ZMIZ2: variants seen among roughly 807,000 people sequenced by gnomAD.
ZMIZ2 encodes the protein zinc finger MIZ domain-containing protein 2.
In ZMIZ2, 26 loss-of-function variants were observed where a neutral mutation model predicts 93.9. That is an observed-to-expected ratio of 0.28 (90% confidence interval 0.20 to 0.38). The LOEUF is 0.38. Among genes scored for constraint, ZMIZ2 ranks in the 10% least tolerant of loss-of-function variants. ZMIZ2 has a pLI of 1.00. For synonymous variants in ZMIZ2, 485 were observed against 516.4 expected, an observed-to-expected ratio of 0.94 and a Z score of 0.82; for missense variants, 1,023 against 1,235.0, an observed-to-expected ratio of 0.83 and a Z score of 2.57.
rs1361566797 is a variant in ZMIZ2 at position 44,765,243 on chromosome 7, C to G, written c.1998-92C>G. 3.2e-6 allele frequency: 5 copies of G among 1,571,000 alleles called. No homozygotes were observed. Among genetic ancestry groups the G allele is most frequent in the Non-Finnish European group, 4.3e-6 (5 of 1,158,900 alleles). On this transcript the variant is annotated intron_variant, in intron 15 of 18. Coordinates refer to ENST00000309315, the MANE Select transcript of ZMIZ2 (RefSeq NM_031449.4). This position sits in a 1 kb window ranked among gnomAD's most constrained non-coding sequence, Gnocchi z 4.1. The stretch of plus-strand genomic sequence containing the variant: ...GAAGCAAGCATTTGAGTGGGGGAAC[C>G]TGCCTGGAAACAGCCCAGGGCTGGG...
rs754804475 is a variant in ZMIZ2 at position 44,768,970 on chromosome 7, G to C, written c.*1347G>C. On this transcript the variant is annotated 3_prime_UTR_variant, in exon 19 of 19. Transcript: ENST00000309315. ...AAGCATCCCAGGCTTGCCCAGGAGA[G>C]ACATTTGCCACTATGTCACCTTATC... 1 of 152,666 alleles carries C rather than the reference G, an allele frequency of 6.6e-6. No homozygotes were observed. The highest frequency in any genetic ancestry group is 2.4e-5 in the African/African-American group (1 of 41,480). 9.5% of individuals were successfully genotyped at this position (152,666 alleles called of 1,614,324 possible).
At chr7:44,767,308 C>G (rs1791812351) in intron 18 of ZMIZ2, among the ~76,000 whole-genome samples, 1 of 152,264 alleles carries the variant, frequency 6.6e-6, no homozygotes, top group East Asian at 1.9e-4. Flanking sequence ...CCAGAGCAAC[C>G]TTGCAGGGAG....
At chr7:44,760,761 C>T (rs915529678) in intron 9 of ZMIZ2, among the ~76,000 whole-genome samples, 168 bp downstream of exon 9, 11 of 150,596 alleles carry the variant, frequency 7.3e-5, no homozygotes, top group Non-Finnish European at 1.5e-4. Flanking sequence ...CCAGCACCTT[C>T]GGAGGCTGAG....
In ZMIZ2 at chr7:44,766,648, A is replaced by G; in HGVS notation, c.2640A>G (p.Pro880=). 3 of 1,613,106 alleles carry G rather than the reference A, an allele frequency of 1.9e-6. No homozygotes were observed. Among genetic ancestry groups the G allele is most frequent in the Non-Finnish European group, 2.5e-6 (3 of 1,179,996 alleles). Residue 880 remains proline, a synonymous_variant, in exon 18 of 19, where the codon CCA becomes CCG. Transcript: ENST00000309315. The surrounding 1 kb of genome is among the most constrained non-coding windows in gnomAD (Gnocchi z 4.4). ...PPSMSGAGEA[P]EPALDLLPEL... ...GCATGTCTGGAGCCGGGGAGGCCCC[A>G]GAACCAGCTCTGGACGTGAGTACCA...
chr7:44,762,971 C>A lies in ZMIZ2; in HGVS notation c.1687C>A (p.His563Asn). The change falls in exon 12 of 19, where the codon CAC (histidine) becomes AAC (asparagine). Residue 563 changes from histidine (H) to asparagine (N), a missense_variant. This residue lies in a region of ZMIZ2 where 656 missense variants were observed against 777.1 expected (regional missense o/e 0.84). Transcript: ENST00000309315. Reference sequence around the variant, plus strand: ...CAAAAAGCGCCTCCTGCCTGCTGAGCACTGCATCACCAAGAGTGAGTGGCT... The same window carrying A: ...CAAAAAGCGCCTCCTGCCTGCTGAGAACTGCATCACCAAGAGTGAGTGGCT... ...LLKKRLLPAE[H>N]CITKIKRNFS... 6.2e-7 allele frequency: 1 copy of A among 1,612,704 alleles called. No homozygotes were observed. The highest frequency in any genetic ancestry group is 1.1e-5 in the South Asian group (1 of 91,032).
At chr7:44,760,020 C>T in intron 7 of ZMIZ2, 131 bp from the exon 8 acceptor site, 1 of 926,966 alleles carries the variant, frequency 1.1e-6, no homozygotes. Context: ...AGTAGTGTTA[C>T]TTGTAGATTA....
At chr7:44,759,259 G>T in intron 6 of ZMIZ2, 22 bp from the exon 7 acceptor site, 1 of 1,472,054 alleles carries the variant, frequency 6.8e-7, no homozygotes, top group Non-Finnish European at 9.1e-7. Context: ...TTCTCCCCTC[G>T]GGCATTTTGC....
At chr7:44,767,349 C>T (rs1791817509) in intron 18 of ZMIZ2, among the ~76,000 whole-genome samples, 167 bp from the exon 19 acceptor site, 2 of 152,130 alleles carry the variant, frequency 1.3e-5, no homozygotes, top group South Asian at 2.1e-4. Context: ...CCTCTTTGAG[C>T]ACATGCAGGC....
chr7:44,759,089 A>AAG (rs1583631292), intron 6 of ZMIZ2, among the ~76,000 whole-genome samples, 192 bp from the exon 7 acceptor site: 1 of 144,210 alleles, frequency 6.9e-6, no homozygotes, highest in South Asian at 2.2e-4. Flanking sequence ...CAAATTAAAA[A>AAG]AAAAAAAAAA....
chr7:44,768,543 C>CT lies in ZMIZ2; in HGVS notation c.*921dup, dbSNP rs1300138297. 5 of 152,428 alleles carry CT rather than the reference C, an allele frequency of 3.3e-5. No homozygotes were observed. Among genetic ancestry groups the CT allele is most frequent in the African/African-American group, 9.6e-5 (4 of 41,592 alleles). The allele number at this position is 152,428 out of a possible 1,614,324, so 9.4% of individuals were successfully genotyped here. On this transcript the variant is annotated 3_prime_UTR_variant, in exon 19 of 19. Transcript: ENST00000309315. Reference sequence around the variant, plus strand: ...AGCTGTGTTTTTTAAAGCCACCTCTCTGTCTCCACCCCATGGGCCCACACC... The same window carrying CT: ...AGCTGTGTTTTTTAAAGCCACCTCTCTTGTCTCCACCCCATGGGCCCACACC...
Position 44,765,734 on chromosome 7 carries a change from G to A in ZMIZ2, c.2242+155G>A. ...CAAAACATGCCGCGGGGCACCTCCA[G>A]CCCCTCCCATCTCAGGGACGTGGCG... On this transcript the variant is annotated intron_variant, in intron 16 of 18. Transcript: ENST00000309315. The surrounding 1 kb of genome is among the most constrained non-coding windows in gnomAD (Gnocchi z 4.1). The A allele has an allele frequency of 1.7e-6, 2 of 1,203,006 alleles. No individual in the cohort carries two copies. The highest frequency in any genetic ancestry group is 1.6e-5 in the South Asian group (1 of 64,116). 74.5% of individuals were successfully genotyped at this position (1,203,006 alleles called of 1,614,324 possible). A position where few individuals can be genotyped will look rare whatever the true frequency, so the allele number is the denominator to read the frequency against.
At chr7:44,754,519 A>G (rs547633989) in intron 1 of ZMIZ2, among the ~76,000 whole-genome samples, 2 of 152,324 alleles carry the variant, frequency 1.3e-5, no homozygotes, top group East Asian at 3.9e-4. Context: ...CTCCCCAGGC[A>G]GAGCTCAGCT....
At position 44,767,897 on chromosome 7, in the gene ZMIZ2, C is replaced by CTGTCCAGCCT; in HGVS notation, c.*281_*290dup. ...TTTGCTGAGGTGCCCCTGCCCAGCC[C>CTGTCCAGCCT]TGTCCAGCCTTGTCCACACACACAT... On this transcript the variant is annotated 3_prime_UTR_variant, in exon 19 of 19. Transcript: ENST00000309315. 1.9e-6 allele frequency: 1 copy of CTGTCCAGCCT among 519,768 alleles called. No individual in the cohort carries two copies. The highest frequency in any genetic ancestry group is 3.5e-6 in the Non-Finnish European group (1 of 286,468). 32.2% of individuals were successfully genotyped at this position (519,768 alleles called of 1,614,324 possible).
chr7:44,762,354 G>A (rs1271346893), intron 11 of ZMIZ2, among the ~76,000 whole-genome samples: 2 of 152,158 alleles, frequency 1.3e-5, no homozygotes, highest in African/African-American at 4.8e-5. Context: ...CATGGAGCTC[G>A]GAGTCCCCGG....
Position 44,750,630 on chromosome 7 carries a change from C to T in ZMIZ2, c.-63+1639C>T, listed in dbSNP as rs542051375. On this transcript the variant is annotated intron_variant, in intron 1 of 18. Transcript: ENST00000309315. The stretch of plus-strand genomic sequence containing the variant: ...TGGCATGGAACAAGGCTCAGGAGGT[C>T]AACCAGGAGACTTGGGGGTGCAGCT... Among the ~76,000 whole-genome samples the T allele has an allele frequency of 3.3e-5, 5 of 152,220 alleles. No individual in the cohort carries two copies. The South Asian group carries it at 1.0e-3, about 32-fold the overall frequency.
chr7:44,767,608 G>A lies in ZMIZ2; in HGVS notation c.2748G>A (p.Leu916=), dbSNP rs1791853992. The part of the protein sequence containing the change: ...PTNNNDDLLS[L]FENN The stretch of plus-strand genomic sequence containing the variant: ...ACAACAATGACGACCTGCTTTCTCT[G>A]TTTGAGAACAACTGATCCTGTGTTT... Residue 916 remains leucine (L), a synonymous_variant, in exon 19 of 19, where the codon CTG becomes CTA. Coordinates refer to ENST00000309315, the MANE Select transcript of ZMIZ2 (RefSeq NM_031449.4). The A allele has an allele frequency of 1.2e-6, 2 of 1,613,988 alleles. No homozygotes were observed. Among genetic ancestry groups the A allele is most frequent in the South Asian group, 2.2e-5 (2 of 91,088 alleles).
chr7:44,753,211 A>AT (rs35194113), intron 1 of ZMIZ2, among the ~76,000 whole-genome samples: 13,061 of 144,848 alleles, frequency 0.09, 735 homozygotes, highest in Admixed American at 0.15. Context: ...TTTAATTTTA[A>AT]TTTTTTTTTT....
At chr7:44,756,836 C>T (rs374939868) in intron 3 of ZMIZ2, 111 bp from the exon 4 acceptor site, 760 of 1,349,742 alleles carry the variant, frequency 5.6e-4, no homozygotes, top group Non-Finnish European at 7.4e-4. Flanking sequence ...CTGTCCCCCC[C>T]ACCTCTCCCC....
intron 9 of ZMIZ2, 39 bp downstream of exon 9, chr7:44,760,632 C>T (rs748082536): frequency 1.2e-6 from 2 of 1,607,940 alleles, no homozygotes; most frequent in South Asian, 1.1e-5. Flanking sequence ...GGTGACAAGG[C>T]CAGGGTGGGC....
Sources: gnomAD v4.1 joint callset for allele counts (sites outside exome capture counted in the v4.1 genomes callset) on GRCh38, gnomAD v4.1.1 for gene constraint, gnomAD v4.1.1 regional missense constraint, Gnocchi (gnomAD v3.1) non-coding constraint, MANE v1.5 for transcripts, NCBI Gene and HGNC (gene_info 2026-07-23, HGNC 2026-07-21) for gene names.